The following DPH6 variants were observed in gnomAD, a reference collection of about 807,000 sequenced individuals.
The protein encoded by DPH6 is diphthine--ammonia ligase.
Under a neutral mutation model 38.2 loss-of-function variants are expected in DPH6, and 33 were observed. That is an observed-to-expected ratio of 0.86 (90% CI 0.65 to 1.15). The LOEUF (loss-of-function observed/expected upper bound fraction) is 1.15. Among genes scored for constraint, DPH6 ranks in the 50% most tolerant of loss-of-function variants. The pLI, the probability that DPH6 is intolerant of heterozygous loss-of-function variation, is 0.00. For synonymous variants in DPH6, 108 were observed against 103.0 expected (o/e 1.05, Z -0.30); for missense variants, 325 against 320.0 (o/e 1.02, Z -0.12).
At chr15:35,537,455 G>GT (rs1454091817) in intron 3 of DPH6, among the ~76,000 whole-genome samples, 33 of 152,086 alleles carry the variant, frequency 2.2e-4, no homozygotes, top group Non-Finnish European at 3.8e-4. Flanking sequence ...TAACTGAACT[G>GT]TATTCAAATA....
intron 2 of DPH6, among the ~76,000 whole-genome samples, chr15:35,540,800 G>T (rs1335054953): frequency 6.6e-6 from 1 of 152,080 alleles, no homozygotes; most frequent in Non-Finnish European, 1.5e-5. Flanking sequence ...TACTAGGTAA[G>T]TAAAATAATT....
At chr15:35,534,091 A>T (rs1468360992) in intron 3 of DPH6, among the ~76,000 whole-genome samples, 3 of 152,124 alleles carry the variant, frequency 2.0e-5, no homozygotes, top group African/African-American at 4.8e-5. Flanking sequence ...GAAAACACCA[A>T]TATTGGCCAG....
chr15:35,180,160 C>CA, the DPH6 span, among the ~76,000 whole-genome samples: 3 of 151,560 alleles, frequency 2.0e-5, no homozygotes, highest in Non-Finnish European at 4.4e-5. Context: ...ATAGATTTTT[C>CA]CAAATTTCTG....
the DPH6 span, among the ~76,000 whole-genome samples, chr15:35,173,526 G>C: frequency 1.4e-5 from 2 of 146,674 alleles, no homozygotes; most frequent in African/African-American, 5.0e-5. Flanking sequence ...TTCAGCTAGA[G>C]TAATCTTTTC....
intron 3 of DPH6, among the ~76,000 whole-genome samples, chr15:35,336,914 G>T (rs1193654583): frequency 3.3e-5 from 5 of 151,760 alleles, no homozygotes; most frequent in Non-Finnish European, 5.9e-5. Context: ...TCTCTTTTTT[G>T]GTTGTGTCTC....
intron 3 of DPH6, among the ~76,000 whole-genome samples, chr15:35,268,865 G>T (rs1035245038): frequency 2.6e-5 from 4 of 152,108 alleles, no homozygotes; most frequent in Admixed American, 6.5e-5. Context: ...GGCAAGGTAG[G>T]AAGAGGGCAG....
intron 3 of DPH6, among the ~76,000 whole-genome samples, chr15:35,515,197 AAAT>A (rs1267115762): frequency 3.9e-5 from 6 of 152,098 alleles, no homozygotes; most frequent in Non-Finnish European, 8.8e-5. Flanking sequence ...TAAACATTAT[AAAT>A]AATAGTTATA....
At chr15:35,352,594 T>C (rs371726429) in intron 3 of DPH6, among the ~76,000 whole-genome samples, 2 of 152,344 alleles carry the variant, frequency 1.3e-5, no homozygotes, top group South Asian at 4.1e-4. Flanking sequence ...TCCGTGTCCC[T>C]ACAAAGGACA....
At chr15:35,521,809 T>A in intron 3 of DPH6, 1 of 1,247,780 alleles carries the variant, frequency 8.0e-7, no homozygotes, top group Non-Finnish European at 1.0e-6. Flanking sequence ...CTTAACTACA[T>A]TGGATAATAG....
intron 3 of DPH6, among the ~76,000 whole-genome samples, chr15:35,234,182 C>G (rs907241048): frequency 1.3e-5 from 2 of 152,222 alleles, no homozygotes; most frequent in Admixed American, 6.5e-5. Context: ...AAGGCTGATT[C>G]TTCTGGCTTG....
chr15:35,539,792 C>T (rs570040230), intron 2 of DPH6, among the ~76,000 whole-genome samples: 1 of 152,062 alleles, frequency 6.6e-6, no homozygotes, highest in African/African-American at 2.4e-5. Context: ...AGTGATAGTG[C>T]AAGGGCCCCT....
chr15:35,354,417 T>C (rs559842959), intron 3 of DPH6, among the ~76,000 whole-genome samples: 1 of 152,328 alleles, frequency 6.6e-6, no homozygotes, highest in Non-Finnish European at 1.5e-5. Flanking sequence ...GGCTGTGGGT[T>C]TGTCATAGAT....
At chr15:35,153,353 CTCT>C in the DPH6 span, among the ~76,000 whole-genome samples, 1 of 152,052 alleles carries the variant, frequency 6.6e-6, no homozygotes, top group Admixed American at 6.6e-5. Context: ...TTTTCCCCTC[CTCT>C]TATTTTTAAA....
the DPH6 span, among the ~76,000 whole-genome samples, chr15:35,177,075 A>G: frequency 6.6e-6 from 1 of 152,182 alleles, no homozygotes; most frequent in African/African-American, 2.4e-5. Flanking sequence ...TAGGAAATAA[A>G]TAACTGTCAT....
chr15:35,214,433 C>T (rs1160346688), downstream of DPH6, among the ~76,000 whole-genome samples: 1 of 152,138 alleles, frequency 6.6e-6, no homozygotes, highest in Admixed American at 6.5e-5. Flanking sequence ...TTATGTTGCT[C>T]AGGCCCAAAA....
Position 35,259,189 on chromosome 15 carries a change from T to C in DPH6, n.201-38607A>G, listed in dbSNP as rs147124018. Among the ~76,000 whole-genome samples the C allele has an allele frequency of 5.1e-4, 77 of 152,000 alleles. No individual in the cohort carries two copies. The East Asian group carries it at 0.014, about 27-fold the overall frequency. On this transcript the variant is annotated intron_variant and non_coding_transcript_variant, in intron 3 of 3. Coordinates refer to the DPH6 transcript ENST00000560386. ...TTCCTACTAGGTGATCATCCCTTCC[T>C]TGCTTTCCCTTCTCGAATTCTGTAA...
At chr15:35,450,035 G>A (rs1459948323) in intron 5 of DPH6, among the ~76,000 whole-genome samples, 1 of 151,888 alleles carries the variant, frequency 6.6e-6, no homozygotes, top group East Asian at 1.9e-4. Context: ...CAAACCCTAC[G>A]GTTTCTCAAA....
At chr15:35,518,576 A>G (rs755012274) in intron 3 of DPH6, among the ~76,000 whole-genome samples, 2 of 152,158 alleles carry the variant, frequency 1.3e-5, no homozygotes, top group South Asian at 2.1e-4. Flanking sequence ...TAAAGATTCC[A>G]AAGACAGCTT....
intron 3 of DPH6, among the ~76,000 whole-genome samples, chr15:35,265,216 T>C (rs533427844): frequency 6.6e-6 from 1 of 152,204 alleles, no homozygotes; most frequent in South Asian, 2.1e-4. Flanking sequence ...AAAAAAGATA[T>C]TCAATCTTAA....
Sources: gnomAD v4.1 joint callset for allele counts (sites outside exome capture counted in the v4.1 genomes callset) on GRCh38, gnomAD v4.1.1 for gene constraint, MANE v1.5 for transcripts, NCBI Gene and HGNC (gene_info 2026-07-23, HGNC 2026-07-21) for gene names.